Variants in MGAT4C observed in about 807,000 individuals in gnomAD.
MGAT4C encodes the protein alpha-1,3-mannosyl-glycoprotein 4-beta-N-acetylglucosaminyltransferase C.
Under a neutral mutation model 40.1 loss-of-function variants are expected in MGAT4C, and 19 were observed. The ratio of observed to expected loss-of-function variants is 0.47; its 90% confidence interval spans 0.33 to 0.70. The LOEUF is 0.70. Among genes scored for constraint, MGAT4C ranks in the 30% least tolerant of loss-of-function variants. The pLI is 0.02. For missense variants in MGAT4C, 491 were observed against 563.2 expected, an observed-to-expected ratio of 0.87 and a Z score of 1.30; for synonymous variants, 181 against 187.1, an observed-to-expected ratio of 0.97 and a Z score of 0.27.
At chr12:86,247,245 A>C (rs1438060170) in intron 1 of MGAT4C, among the ~76,000 whole-genome samples, 2 of 152,210 alleles carry the variant, frequency 1.3e-5, no homozygotes, top group African/African-American at 4.8e-5. Flanking sequence ...TTTATGCTCT[A>C]AGAAAGTCCA....
intron 3 of MGAT4C, among the ~76,000 whole-genome samples, chr12:86,369,102 T>G (rs1955668427): frequency 6.6e-6 from 1 of 152,034 alleles, no homozygotes. Context: ...TTGCCATTTT[T>G]ATTATTATGT....
chr12:86,012,759 C>CA (rs1224229383), intron 2 of MGAT4C, among the ~76,000 whole-genome samples: 95 of 103,466 alleles, frequency 9.2e-4, no homozygotes, highest in African/African-American at 3.1e-3. Context: ...TCTCAAACAA[C>CA]AACAACAACA....
At chr12:86,263,325 T>C (rs1427445538) in intron 4 of MGAT4C, among the ~76,000 whole-genome samples, 1 of 152,168 alleles carries the variant, frequency 6.6e-6, no homozygotes, top group East Asian at 1.9e-4. Context: ...TCACCCACTC[T>C]ATCTCATCCT....
chr12:86,344,867 T>C (rs1433451008), intron 3 of MGAT4C, among the ~76,000 whole-genome samples: 1 of 152,014 alleles, frequency 6.6e-6, no homozygotes, highest in Admixed American at 6.6e-5. Flanking sequence ...TATTGACATA[T>C]TTAATCCATC....
At chr12:86,316,570 A>T (rs1954238429) in intron 4 of MGAT4C, among the ~76,000 whole-genome samples, 1 of 152,218 alleles carries the variant, frequency 6.6e-6, no homozygotes, top group South Asian at 2.1e-4. Flanking sequence ...TTGCAGCAAC[A>T]TAGATGCAGC....
intron 1 of MGAT4C, among the ~76,000 whole-genome samples, chr12:86,157,957 A>C (rs1885159177): frequency 6.6e-6 from 1 of 152,224 alleles, no homozygotes; most frequent in African/African-American, 2.4e-5. Flanking sequence ...AGTAATAAAG[A>C]ATATTAAACA....
chr12:86,150,439 C>T (rs1206616045), intron 1 of MGAT4C, among the ~76,000 whole-genome samples: 1 of 152,188 alleles, frequency 6.6e-6, no homozygotes, highest in Non-Finnish European at 1.5e-5. Context: ...CCTGCACTTC[C>T]ACTCCCTTTA....
chr12:86,051,745 T>C (rs953219790), intron 1 of MGAT4C, among the ~76,000 whole-genome samples: 2 of 151,254 alleles, frequency 1.3e-5, no homozygotes, highest in African/African-American at 2.4e-5. Flanking sequence ...GTACTAGATA[T>C]ATAGTATTAG....
At chr12:86,677,689 A>C in intron 2 of MGAT4C, among the ~76,000 whole-genome samples, 1 of 152,298 alleles carries the variant, frequency 6.6e-6, no homozygotes, top group East Asian at 1.9e-4. Flanking sequence ...TTCTATAAAT[A>C]TACCATGGTA....
chr12:86,754,676 A>G (rs1302435576), intron 1 of MGAT4C, among the ~76,000 whole-genome samples: 1 of 152,172 alleles, frequency 6.6e-6, no homozygotes, highest in African/African-American at 2.4e-5. Context: ...ACAAGAAAAG[A>G]TAGACAAATT....
chr12:86,590,306 A>T (rs1268283002), intron 2 of MGAT4C, among the ~76,000 whole-genome samples: 7 of 151,448 alleles, frequency 4.6e-5, no homozygotes, highest in Non-Finnish European at 8.8e-5. Context: ...ATTAGGCATG[A>T]GACTTAGTTT....
intron 4 of MGAT4C, among the ~76,000 whole-genome samples, chr12:86,276,227 G>A (rs1405110574): frequency 1.3e-5 from 2 of 151,834 alleles, no homozygotes; most frequent in African/African-American, 4.8e-5. Flanking sequence ...CTTAAATTTA[G>A]CTATTATTAT....
chr12:86,674,910 C>T (rs1964352290), intron 2 of MGAT4C, among the ~76,000 whole-genome samples: 2 of 152,222 alleles, frequency 1.3e-5, no homozygotes, highest in Admixed American at 6.5e-5. Context: ...ATTTACTCTG[C>T]ATATGATTTG....
At position 86,445,872 on chromosome 12, in the gene MGAT4C, T is replaced by C. The variant is rs774134144; in HGVS notation, c.-228-10607A>G. The stretch of plus-strand genomic sequence containing the variant: ...GAAAAAGTAGTCAATCTACTGATTA[T>C]CTTTGGGGTAGACTGAGTTTAATAA... On this transcript the variant is annotated intron_variant, in intron 2 of 7. Coordinates refer to the MGAT4C transcript ENST00000548651. Among the ~76,000 whole-genome samples the C allele has an allele frequency of 1.0e-3, 159 of 152,162 alleles. 1 individual carries two copies. Among genetic ancestry groups the C allele is most frequent in the Admixed American group, 1.3e-3 (20 of 15,272 alleles).
At chr12:86,390,549 T>C (rs1474649142) in intron 3 of MGAT4C, among the ~76,000 whole-genome samples, 1 of 152,158 alleles carries the variant, frequency 6.6e-6, no homozygotes, top group Non-Finnish European at 1.5e-5. Flanking sequence ...CAATTCACTT[T>C]GCAAAAGACA....
chr12:86,835,919 A>G (rs537515323), intron 1 of MGAT4C, among the ~76,000 whole-genome samples: 18 of 151,950 alleles, frequency 1.2e-4, no homozygotes, highest in Non-Finnish European at 2.2e-4. Context: ...CAACTAGAAC[A>G]TCCTTATGGG....
intron 1 of MGAT4C, among the ~76,000 whole-genome samples, chr12:86,062,711 G>T (rs1330703456): frequency 1.3e-5 from 2 of 151,790 alleles, no homozygotes; most frequent in Admixed American, 1.3e-4. Context: ...CACAGCACGA[G>T]AACTTCATGA....
rs542277220 is a variant in MGAT4C, at chr12:86,337,376, C to T, written c.-119-3249G>A. 6.6e-5 allele frequency among the ~76,000 whole-genome samples: 10 copies of T among 151,918 alleles called. No individual in the cohort carries two copies. The East Asian group carries it at 1.6e-3, about 24-fold the overall frequency. On this transcript the variant is annotated intron_variant, in intron 3 of 7. Transcript: ENST00000548651. ...CTTTGAGAGTCCGAGGAAGGTGGAT[C>T]GCTTGAGCCTAGGAGTTCAAGACCA...
At chr12:86,472,454 G>T (rs768637844) in intron 2 of MGAT4C, among the ~76,000 whole-genome samples, 1 of 152,032 alleles carries the variant, frequency 6.6e-6, no homozygotes, top group Non-Finnish European at 1.5e-5. Flanking sequence ...TTGGTAGTCT[G>T]ATTTTTAGCT....
Sources: allele counts gnomAD v4.1 joint callset (sites outside exome capture counted in the v4.1 genomes callset), GRCh38; gene constraint gnomAD v4.1.1; transcripts MANE v1.5; gene names NCBI Gene and HGNC (gene_info 2026-07-23, HGNC 2026-07-21).